The following PDPR variants were observed in gnomAD, a reference collection of about 807,000 sequenced individuals.
PDPR encodes pyruvate dehydrogenase phosphatase regulatory subunit.
A neutral mutation model predicts 102.2 loss-of-function variants in PDPR; 50 were observed. That is an observed-to-expected ratio of 0.49 (90% CI 0.39 to 0.62). PDPR has a LOEUF of 0.62. Among genes scored for constraint, PDPR ranks in the 20% least tolerant of loss-of-function variants. The probability of loss-of-function intolerance (pLI) is 0.00; values close to 1 mark genes in which losing one functional copy is unlikely to be tolerated. For synonymous variants in PDPR, 259 were observed against 406.0 expected (o/e 0.64, Z 4.35); for missense variants, 625 against 1,098.2 (o/e 0.57, Z 6.09).
chr16:70,115,576 G>A (rs1170041907), intron 2 of PDPR, among the ~76,000 whole-genome samples: 3 of 152,230 alleles, frequency 2.0e-5, no homozygotes, highest in African/African-American at 7.2e-5. Context: ...GCTGAGGCAA[G>A]TGTGGGAAAT....
rs928691187 is a variant in PDPR at position 70,132,406 on chromosome 16, C to G, written c.997+106C>G. On this transcript the variant is annotated intron_variant, in intron 9 of 18. Transcript: ENST00000288050. The stretch of plus-strand genomic sequence containing the variant: ...CCTTGTTTAATGTTTATAACATCGC[C>G]ATGAGGTACAACAGTGGTTACAGAG... The G allele has an allele frequency of 8.6e-6, 10 of 1,160,780 alleles. No individual in the cohort carries two copies. In the African/African-American group the frequency reaches 1.6e-4, roughly 18 times the overall value. 71.9% of individuals were successfully genotyped at this position (1,160,780 alleles called of 1,614,324 possible).
chr16:70,120,333 A>G (rs1387899098), intron 2 of PDPR, 128 bp from the exon 3 acceptor site: 4 of 621,778 alleles, frequency 6.4e-6, no homozygotes, highest in Non-Finnish European at 1.2e-5. Context: ...TACAGGTGTG[A>G]GGCACCATGC....
chr16:70,124,337 T>C (rs1490859230), intron 3 of PDPR, among the ~76,000 whole-genome samples: 1 of 152,268 alleles, frequency 6.6e-6, no homozygotes, highest in Non-Finnish European at 1.5e-5. Flanking sequence ...CCCTCCAGCC[T>C]GGGCAACAGA....
chr16:70,144,622 T>C (rs1161153362), intron 15 of PDPR, 89 bp downstream of exon 15: 1 of 525,098 alleles, frequency 1.9e-6, no homozygotes, highest in East Asian at 4.2e-5. Flanking sequence ...CTCTCAAAAA[T>C]GAACATTAGA....
chr16:70,132,647 C>CT (rs1285654059), intron 9 of PDPR, among the ~76,000 whole-genome samples: 19 of 131,206 alleles, frequency 1.4e-4, no homozygotes, highest in South Asian at 7.6e-4. Flanking sequence ...GGTCTCATAG[C>CT]TTTTTTTTTT....
chr16:70,130,496 C>T lies in PDPR; in HGVS notation c.681C>T (p.Thr227=), dbSNP rs371449683. ...VKKGQVTGVE[T]DKGQIECQYF... ...AAGGTCAAGTTACTGGAGTGGAGAC[C>T]GATAAAGGACAGATTGAATGCCAGT... Residue 227 remains threonine, a synonymous_variant, in exon 7 of 19, where the codon ACC becomes ACT. Coordinates refer to ENST00000288050, the MANE Select transcript of PDPR (RefSeq NM_017990.5). 1.5e-5 allele frequency: 25 copies of T among 1,613,744 alleles called. No homozygotes were observed. The East Asian group carries it at 2.2e-4, about 14-fold the overall frequency.
intron 18 of PDPR, among the ~76,000 whole-genome samples, chr16:70,156,123 G>C (rs927958665): frequency 6.6e-6 from 1 of 152,268 alleles, no homozygotes; most frequent in Admixed American, 6.5e-5. Context: ...ACCACGACTG[G>C]CCAATATAAA....
At chr16:70,121,247 G>A (rs201702342) in intron 3 of PDPR, among the ~76,000 whole-genome samples, 6,385 of 101,606 alleles carry the variant, frequency 0.063, no homozygotes, top group Middle Eastern at 0.16. Context: ...CTCTGTGCTC[G>A]CCTTCTTTTA....
intron 3 of PDPR, among the ~76,000 whole-genome samples, chr16:70,122,703 A>G (rs917964909): frequency 6.6e-6 from 1 of 152,256 alleles, no homozygotes; most frequent in Non-Finnish European, 1.5e-5. Flanking sequence ...TCCATTGACA[A>G]CTGTTGCCTG....
rs753586519 is a variant in PDPR, at chr16:70,127,272, C to A, written c.240C>A (p.Gly80=). 1.2e-6 allele frequency: 2 copies of A among 1,600,470 alleles called. No homozygotes were observed. Among genetic ancestry groups the A allele is most frequent in the African/African-American group, 1.3e-5 (1 of 74,578 alleles). The change falls in exon 4 of 19, where the codon GGC becomes GGA. Residue 80 remains glycine (G), a synonymous_variant. Coordinates refer to ENST00000288050, the MANE Select transcript of PDPR (RefSeq NM_017990.5). ...ATCCATCCTGCAGGCTGGCTGCTGG[C>A]TCTACCAGGTTCTGTGCTGGCATCC... ...VLLEQGRLAA[G]STRFCAGILS...
intron 11 of PDPR, among the ~76,000 whole-genome samples, chr16:70,141,844 A>G (rs1329612595): frequency 6.6e-6 from 1 of 152,286 alleles, no homozygotes; most frequent in Non-Finnish European, 1.5e-5. Flanking sequence ...TCACGCCTGT[A>G]ATCCCAGCAC....
intron 3 of PDPR, among the ~76,000 whole-genome samples, chr16:70,126,773 A>C (rs1171957160): frequency 6.6e-6 from 1 of 152,234 alleles, no homozygotes; most frequent in Non-Finnish European, 1.5e-5. Context: ...TGAACCTGCT[A>C]CCTCAGCCTG....
At position 70,115,341 on chromosome 16, in the gene PDPR, C is replaced by T. The variant is rs187868444; in HGVS notation, c.-33+411C>T. 6.3e-4 allele frequency among the ~76,000 whole-genome samples: 96 copies of T among 152,280 alleles called. No individual in the cohort carries two copies. The East Asian group carries it at 0.018, about 28-fold the overall frequency. The stretch of plus-strand genomic sequence containing the variant: ...GTTTCACTATGTTGGCCAGGCTGGT[C>T]TCGAACTCCTGACCTCGTGATTCTC... On this transcript the variant is annotated intron_variant, in intron 2 of 18. Transcript: ENST00000288050.
In PDPR at chr16:70,156,527, T is replaced by C. The variant is rs1967221837; in HGVS notation, c.2288T>C (p.Val763Ala). ...DALLQQKQNGVYKRLTMFILD... is the reference protein window; with the variant it reads ...DALLQQKQNGAYKRLTMFILD... ...CTCCTGCAGCAGAAGCAGAATGGAG[T>C]GTATAAACGCCTCACCATGTTCATC... is the stretch of plus-strand genomic sequence containing the variant. Residue 763 changes from valine to alanine, a missense_variant, in exon 19 of 19, where the codon GTG (valine) becomes GCG (alanine). This residue lies in a region of PDPR where 303 missense variants were observed against 258.9 expected (regional missense o/e 1.17). Transcript: ENST00000288050. 5 of 1,614,004 alleles carry C rather than the reference T, an allele frequency of 3.1e-6. No individual in the cohort carries two copies. Among genetic ancestry groups the C allele is most frequent in the Middle Eastern group, 1.7e-4 (1 of 6,060 alleles).
At chr16:70,143,179 C>A (rs1965904268) in intron 13 of PDPR, among the ~76,000 whole-genome samples, 1 of 151,850 alleles carries the variant, frequency 6.6e-6, no homozygotes, top group Non-Finnish European at 1.5e-5. Flanking sequence ...CAGAGTGAGA[C>A]TCCATCTCAA....
intron 2 of PDPR, among the ~76,000 whole-genome samples, chr16:70,116,026 C>G (rs966936674): frequency 1.3e-5 from 2 of 150,416 alleles, no homozygotes; most frequent in South Asian, 2.1e-4. Context: ...ATGCCCTCAC[C>G]ACTTCACTCT....
intron 18 of PDPR, among the ~76,000 whole-genome samples, chr16:70,155,374 T>G (rs1967036826): frequency 6.6e-6 from 1 of 152,210 alleles, no homozygotes; most frequent in Admixed American, 6.5e-5. Flanking sequence ...CTCTGCCTCC[T>G]GGCTTCAAGC....
chr16:70,156,710 CGGG>C lies in PDPR; in HGVS notation c.2474_2476del (p.Gly825del). 1 of 1,613,972 alleles carries C rather than the reference CGGG, an allele frequency of 6.2e-7. No homozygotes were observed. Among genetic ancestry groups the C allele is most frequent in the Non-Finnish European group, 8.5e-7 (1 of 1,179,914 alleles). Reference sequence around the variant, plus strand: ...TTTGTGCACAATTTTTCTGAGGACACGGGGGAAGAGCAAGTGGTGACAGCAGAT... The same window carrying C: ...TTTGTGCACAATTTTTCTGAGGACACGGAAGAGCAAGTGGTGACAGCAGAT... On this transcript the variant is annotated inframe_deletion, in exon 19 of 19. Coordinates refer to ENST00000288050, the MANE Select transcript of PDPR (RefSeq NM_017990.5).
At chr16:70,125,502 C>T (rs1256327013) in intron 3 of PDPR, among the ~76,000 whole-genome samples, 5 of 144,486 alleles carry the variant, frequency 3.5e-5, no homozygotes, top group African/African-American at 7.7e-5. Context: ...TGCAGTAAGC[C>T]GAGATTGTGC....
Sources: allele counts gnomAD v4.1 joint callset (sites outside exome capture counted in the v4.1 genomes callset), GRCh38; gene constraint gnomAD v4.1.1; regional missense constraint gnomAD v4.1.1; transcripts MANE v1.5; gene names NCBI Gene and HGNC (gene_info 2026-07-23, HGNC 2026-07-21).